ZNF710: variants seen among roughly 807,000 people sequenced by gnomAD.
ZNF710 encodes the protein zinc finger protein 710.
Under a neutral mutation model 50.6 loss-of-function variants are expected in ZNF710, and 13 were observed. That is an observed-to-expected ratio of 0.26 (90% CI 0.17 to 0.41). ZNF710 has a LOEUF of 0.41. Among genes scored for constraint, ZNF710 ranks in the 10% least tolerant of loss-of-function variants. ZNF710 has a pLI of 1.00. For missense variants in ZNF710, 721 were observed against 936.6 expected, an observed-to-expected ratio of 0.77 and a Z score of 3.01; for synonymous variants, 383 against 397.0, an observed-to-expected ratio of 0.96 and a Z score of 0.42.
At chr15:90,058,721 A>ATGTATGTATG (rs1567236953) in intron 1 of ZNF710, among the ~76,000 whole-genome samples, 3 of 144,576 alleles carry the variant, frequency 2.1e-5, no homozygotes, top group African/African-American at 8.7e-5. Context: ...ATATATATAC[A>ATGTATGTATG]CACATATACA....
chr15:90,016,700 C>T (rs549392357), intron 1 of ZNF710, among the ~76,000 whole-genome samples: 4 of 152,312 alleles, frequency 2.6e-5, no homozygotes, highest in East Asian at 1.9e-4. Context: ...GGATTATAGG[C>T]GTGGGCCACT....
intron 1 of ZNF710, among the ~76,000 whole-genome samples, chr15:90,013,139 C>T (rs903462322): frequency 2.6e-5 from 4 of 152,142 alleles, no homozygotes; most frequent in Admixed American, 2.6e-4. Flanking sequence ...ATTCTTGTTG[C>T]CCAGGCTGGA....
intron 3 of ZNF710, 84 bp from the exon 4 acceptor site, chr15:90,074,032 C>T: frequency 7.1e-7 from 1 of 1,398,694 alleles, no homozygotes; most frequent in Non-Finnish European, 9.7e-7. Context: ...AGGATTCTGG[C>T]CCAGCCATAG....
At chr15:90,044,231 A>T (rs1899388733) in intron 1 of ZNF710, among the ~76,000 whole-genome samples, 2 of 152,166 alleles carry the variant, frequency 1.3e-5, no homozygotes. Context: ...TGAAGGCGTG[A>T]GGTGGGACTG....
At chr15:90,030,329 CAA>C (rs10685083) in intron 1 of ZNF710, among the ~76,000 whole-genome samples, 1,132 of 50,390 alleles carry the variant, frequency 0.022, 5 homozygotes, top group African/African-American at 0.083. Flanking sequence ...AACTCCATCT[CAA>C]AAAAAAAAAA....
intron 2 of ZNF710, 78 bp from the exon 3 acceptor site, chr15:90,072,993 T>G: frequency 6.7e-7 from 1 of 1,495,106 alleles, no homozygotes; most frequent in Non-Finnish European, 9.1e-7. Flanking sequence ...GCCCTGCCCC[T>G]ACCCGGCTCC....
chr15:90,043,204 AGCCAGGGCAGCT>A (rs1206834446), intron 1 of ZNF710, among the ~76,000 whole-genome samples: 7 of 152,254 alleles, frequency 4.6e-5, no homozygotes, highest in Non-Finnish European at 1.0e-4. Flanking sequence ...TTTCACCTCC[AGCCAGGGCAGCT>A]GCCTCACTGA....
chr15:90,038,889 CTA>C (rs1193800819), intron 1 of ZNF710, among the ~76,000 whole-genome samples: 1 of 152,182 alleles, frequency 6.6e-6, no homozygotes, highest in Non-Finnish European at 1.5e-5. Context: ...GGCAGAGAGG[CTA>C]TCTCTTTGGC....
chr15:90,015,595 CTTTTTT>C (rs35261596), intron 1 of ZNF710, among the ~76,000 whole-genome samples: 1 of 136,830 alleles, frequency 7.3e-6, no homozygotes, highest in South Asian at 2.3e-4. Flanking sequence ...CAATGCAATT[CTTTTTT>C]TTTTTTTTTT....
chr15:90,046,743 C>G (rs1271993665), intron 1 of ZNF710, among the ~76,000 whole-genome samples: 1 of 152,068 alleles, frequency 6.6e-6, no homozygotes, highest in African/African-American at 2.4e-5. Flanking sequence ...GTCTGGGGCT[C>G]CAAAGGGGTT....
chr15:90,073,365 C>A (rs893080804), intron 3 of ZNF710, 103 bp downstream of exon 3: 2 of 1,387,910 alleles, frequency 1.4e-6, no homozygotes, highest in Non-Finnish European at 2.0e-6. Flanking sequence ...CTGGCCAGTG[C>A]GGGCAAGAGG....
intron 1 of ZNF710, among the ~76,000 whole-genome samples, chr15:90,009,075 A>G (rs922792628): frequency 6.6e-6 from 1 of 151,744 alleles, no homozygotes; most frequent in African/African-American, 2.4e-5. Context: ...GGAAACTATA[A>G]CTTTTGTGAT....
chr15:90,048,248 G>A (rs1192601752), intron 1 of ZNF710, among the ~76,000 whole-genome samples: 2 of 152,242 alleles, frequency 1.3e-5, no homozygotes, highest in African/African-American at 2.4e-5. Flanking sequence ...GCAGAGGGCT[G>A]TAGCTGTGTG....
intron 1 of ZNF710, 70 bp downstream of exon 1, chr15:90,001,684 G>T (rs1246234251): frequency 2.6e-4 from 37 of 144,272 alleles, no homozygotes; most frequent in African/African-American, 9.2e-4. Flanking sequence ...GCCGGCCGGC[G>T]GGGGCGCGGG....
intron 1 of ZNF710, among the ~76,000 whole-genome samples, chr15:90,022,411 G>T (rs1328081040): frequency 2.0e-5 from 3 of 152,150 alleles, no homozygotes. Context: ...AGGCATGGGG[G>T]ACTCAAACAT....
At chr15:90,011,530 T>A (rs1266687842) in intron 1 of ZNF710, among the ~76,000 whole-genome samples, 1 of 152,232 alleles carries the variant, frequency 6.6e-6, no homozygotes, top group Non-Finnish European at 1.5e-5. Context: ...TGTCATACAA[T>A]GGTTTATGTT....
intron 4 of ZNF710, 63 bp from the exon 5 acceptor site, chr15:90,079,597 G>A (rs1276673799): frequency 3.8e-5 from 60 of 1,584,876 alleles, no homozygotes; most frequent in Non-Finnish European, 4.7e-5. Context: ...AGCTTCCTGC[G>A]TGGGGGTGAC....
At chr15:90,036,968 A>G (rs1306874372) in intron 1 of ZNF710, among the ~76,000 whole-genome samples, 1 of 152,152 alleles carries the variant, frequency 6.6e-6, no homozygotes, top group Non-Finnish European at 1.5e-5. Flanking sequence ...GAACGCAAGA[A>G]TTCTGGAGAG....
intron 1 of ZNF710, among the ~76,000 whole-genome samples, chr15:90,046,212 G>A (rs1345270349): frequency 1.3e-5 from 2 of 152,218 alleles, no homozygotes; most frequent in Non-Finnish European, 2.9e-5. Context: ...GCCTGGAGGT[G>A]TGGCCGGCAG....
Sources: gnomAD v4.1 joint callset for allele counts (sites outside exome capture counted in the v4.1 genomes callset) on GRCh38, gnomAD v4.1.1 for gene constraint, MANE v1.5 for transcripts, NCBI Gene and HGNC (gene_info 2026-07-23, HGNC 2026-07-21) for gene names.